Variants in TANGO6 observed in about 807,000 individuals in gnomAD.
The protein encoded by TANGO6 is transport and Golgi organization protein 6 homolog.
TANGO6 carries 90 observed loss-of-function variants against 114.2 expected under a neutral mutation model. The observed-to-expected ratio is 0.79, with a 90% CI of 0.66 to 0.94. The LOEUF is 0.94. Among genes scored for constraint, TANGO6 ranks in the 40% least tolerant of loss-of-function variants. TANGO6 has a pLI of 0.00. For synonymous variants in TANGO6, 477 were observed against 509.8 expected, an observed-to-expected ratio of 0.94 and a Z score of 0.87; for missense variants, 1,274 against 1,315.3, an observed-to-expected ratio of 0.97 and a Z score of 0.49.
intron 17 of TANGO6, among the ~76,000 whole-genome samples, chr16:69,043,927 G>T (rs911143374): frequency 2.6e-5 from 4 of 152,160 alleles, no homozygotes; most frequent in Non-Finnish European, 4.4e-5. Context: ...AGGAGGTAGG[G>T]GTTCAGGAGA....
chr16:68,977,277 G>A (rs1052863250), intron 15 of TANGO6, among the ~76,000 whole-genome samples: 1 of 151,730 alleles, frequency 6.6e-6, no homozygotes, highest in Non-Finnish European at 1.5e-5. Context: ...TCAGTGAAAG[G>A]AGAATTACTT....
chr16:69,053,661 A>G (rs1959988280), intron 17 of TANGO6, among the ~76,000 whole-genome samples: 1 of 152,166 alleles, frequency 6.6e-6, no homozygotes, highest in Non-Finnish European at 1.5e-5. Flanking sequence ...GTACTTATTT[A>G]TGGACTAGAG....
intron 16 of TANGO6, among the ~76,000 whole-genome samples, chr16:69,030,455 G>C (rs780626352): frequency 1.6e-4 from 24 of 152,178 alleles, no homozygotes; most frequent in Non-Finnish European, 2.5e-4. Flanking sequence ...CATTTCAGCA[G>C]AGGGAGCAGC....
At chr16:68,979,596 T>C (rs1335995797) in intron 15 of TANGO6, among the ~76,000 whole-genome samples, 3 of 152,180 alleles carry the variant, frequency 2.0e-5, no homozygotes, top group African/African-American at 7.2e-5. Context: ...GTTTATATTA[T>C]CAATGTTTGT....
chr16:68,857,985 T>C (rs1044551237), intron 1 of TANGO6, among the ~76,000 whole-genome samples: 5 of 152,172 alleles, frequency 3.3e-5, no homozygotes, highest in Admixed American at 6.6e-5. Flanking sequence ...CTGAAAGAGT[T>C]TGGGTAACCT....
chr16:68,968,693 C>T (rs1225027617), intron 14 of TANGO6, among the ~76,000 whole-genome samples: 4 of 118,212 alleles, frequency 3.4e-5, no homozygotes, highest in East Asian at 2.3e-4. Context: ...TTTTTTGAGA[C>T]GGAGTCTTGC....
intron 7 of TANGO6, among the ~76,000 whole-genome samples, chr16:68,890,682 C>G (rs1962600655): frequency 6.6e-6 from 1 of 152,034 alleles, no homozygotes. Context: ...GTCAGGAGTT[C>G]AAGACCAGCC....
At chr16:69,047,297 C>G (rs1222450087) in intron 17 of TANGO6, among the ~76,000 whole-genome samples, 1 of 152,032 alleles carries the variant, frequency 6.6e-6, no homozygotes, top group Non-Finnish European at 1.5e-5. Context: ...GAGTTCGAGA[C>G]CAGCCTGGCC....
intron 14 of TANGO6, among the ~76,000 whole-genome samples, chr16:68,967,815 G>C (rs549963638): frequency 2.0e-5 from 3 of 152,268 alleles, no homozygotes; most frequent in South Asian, 2.1e-4. Flanking sequence ...CCCTGGGATA[G>C]AGCCAGTTAG....
chr16:69,018,677 A>C (rs1959348745), intron 15 of TANGO6, among the ~76,000 whole-genome samples: 1 of 150,742 alleles, frequency 6.6e-6, no homozygotes, highest in African/African-American at 2.4e-5. Context: ...TAATCCCAGC[A>C]CTTTGGAGGC....
chr16:68,854,020 G>A (rs1006225353), intron 1 of TANGO6, among the ~76,000 whole-genome samples: 3 of 152,020 alleles, frequency 2.0e-5, no homozygotes, highest in East Asian at 1.9e-4. Context: ...GGATCAATGC[G>A]TTTGTCATAT....
intron 8 of TANGO6, among the ~76,000 whole-genome samples, chr16:68,901,412 G>A (rs919053194): frequency 6.6e-6 from 1 of 152,192 alleles, no homozygotes; most frequent in Admixed American, 6.5e-5. Context: ...CAATGGCAAC[G>A]ACAAGAGAGA....
intron 6 of TANGO6, among the ~76,000 whole-genome samples, chr16:68,878,499 C>G (rs540852423): frequency 6.6e-6 from 1 of 152,254 alleles, no homozygotes; most frequent in African/African-American, 2.4e-5. Context: ...ATTTTGGCCA[C>G]ATTTATTTTA....
At chr16:68,873,662 T>G (rs963041102) in intron 4 of TANGO6, among the ~76,000 whole-genome samples, 2 of 152,210 alleles carry the variant, frequency 1.3e-5, no homozygotes, top group African/African-American at 2.4e-5. Flanking sequence ...CCATAAAAAT[T>G]ATTCCTTTTT....
intron 14 of TANGO6, chr16:68,937,655 G>A (rs537286853): frequency 1.3e-5 from 2 of 152,024 alleles, no homozygotes; most frequent in African/African-American, 2.4e-5. Flanking sequence ...GGTCTTTTTT[G>A]TCTGGCTCCT....
At chr16:69,063,840 T>TATTATTATC (rs1567569013) in intron 17 of TANGO6, among the ~76,000 whole-genome samples, 1 of 146,008 alleles carries the variant, frequency 6.8e-6, no homozygotes, top group East Asian at 2.0e-4. Flanking sequence ...TTATTATTAT[T>TATTATTATC]ATTATATTAT....
chr16:68,934,923 T>C (rs938634261), intron 14 of TANGO6, among the ~76,000 whole-genome samples: 1 of 152,128 alleles, frequency 6.6e-6, no homozygotes, highest in African/African-American at 2.4e-5. Flanking sequence ...GTAATTTTCG[T>C]TGGTGTGCAA....
intron 7 of TANGO6, among the ~76,000 whole-genome samples, chr16:68,887,201 G>C (rs1962551179): frequency 6.6e-6 from 1 of 152,142 alleles, no homozygotes; most frequent in Admixed American, 6.5e-5. Flanking sequence ...GTCTTTCTTT[G>C]GAGTGTGGGT....
chr16:69,061,219 CAG>C lies in TANGO6; in HGVS notation c.3108+20801_3108+20802del, dbSNP rs533944067. Among the ~76,000 whole-genome samples the C allele has an allele frequency of 1.6e-4, 25 of 152,214 alleles. No individual in the cohort carries two copies. The East Asian group carries it at 4.6e-3, about 28-fold the overall frequency. ...TCAGCTGAGTGAAGGAGTCCTGAGG[CAG>C]AGTGACAGAATGAATACTGATGTTC... On this transcript the variant is annotated intron_variant, in intron 17 of 17. Coordinates refer to ENST00000261778, the MANE Select transcript of TANGO6 (RefSeq NM_024562.2).
Sources: allele counts gnomAD v4.1 joint callset (sites outside exome capture counted in the v4.1 genomes callset), GRCh38; gene constraint gnomAD v4.1.1; transcripts MANE v1.5; gene names NCBI Gene and HGNC (gene_info 2026-07-23, HGNC 2026-07-21).